The following DCAF8L2 variants were observed in gnomAD, a reference collection of about 807,000 sequenced individuals.
DCAF8L2 encodes the protein DDB1- and CUL4-associated factor 8-like protein 2.
For missense variants in DCAF8L2, 430 were observed against 490.7 expected (o/e 0.88, Z 1.17); for synonymous variants, 200 against 190.9 (o/e 1.05, Z -0.39).
At chrX:27,514,133 T>C in the DCAF8L2 span, among the ~76,000 whole-genome samples, 1 of 111,401 alleles carries the variant, frequency 9.0e-6, no homozygotes, top group Non-Finnish European at 1.9e-5. Flanking sequence ...AGTGTATATG[T>C]ACACATATGT....
At chrX:27,707,717 A>G (rs774618719) in intron 3 of DCAF8L2, among the ~76,000 whole-genome samples, 116 of 111,257 alleles carry the variant, frequency 1.0e-3, no homozygotes, top group African/African-American at 3.3e-3. Flanking sequence ...TCCGTGGTCT[A>G]TGAGTTTAGG....
intron 2 of DCAF8L2, among the ~76,000 whole-genome samples, chrX:27,663,314 TTTTG>T (rs964061515): frequency 1.8e-5 from 2 of 112,306 alleles, no homozygotes; most frequent in African/African-American, 6.5e-5. Context: ...AGAGTTTTTG[TTTTG>T]TTTTATATTT....
At chrX:27,605,156 T>C (rs1416718305) in intron 1 of DCAF8L2, among the ~76,000 whole-genome samples, 1 of 111,147 alleles carries the variant, frequency 9.0e-6, no homozygotes, top group Non-Finnish European at 1.9e-5. Flanking sequence ...GGATGTAATA[T>C]GCAAAACCTC....
At position 27,747,327 on chromosome X, in the gene DCAF8L2, G is replaced by GAA. The variant is rs1922277025; in HGVS notation, c.432_433insAA (p.Glu145LysfsTer22). The stretch of plus-strand genomic sequence containing the variant: ...AGGAGGAGGAGGAGGAGGAGGAGGA[G>GAA]GAAGAAGAACAGCCTCGGGCGGGTC... On this transcript the variant is annotated frameshift_variant, in exon 5 of 5. Coordinates refer to ENST00000451261, the MANE Select transcript of DCAF8L2 (RefSeq NM_001353450.2). LOFTEE classifies it low-confidence loss of function (END_TRUNC). The GAA allele has an allele frequency of 5.3e-6, 6 of 1,121,701 alleles. No homozygotes were observed. The African/African-American group carries it at 1.0e-4, about 19-fold the overall frequency. 92.4% of individuals were successfully genotyped at this position (1,121,701 alleles called of 1,213,427 possible).
chrX:27,642,102 C>T (rs183929940), intron 2 of DCAF8L2, among the ~76,000 whole-genome samples: 1,129 of 108,212 alleles, frequency 0.01, 17 homozygotes, highest in African/African-American at 0.037. Flanking sequence ...ACCATGTTAG[C>T]CAGGATGGTC....
intron 2 of DCAF8L2, among the ~76,000 whole-genome samples, chrX:27,660,909 G>T (rs1398107593): frequency 8.9e-6 from 1 of 112,146 alleles, no homozygotes; most frequent in Non-Finnish European, 1.9e-5. Flanking sequence ...CAGTATTATT[G>T]ATTCCAGCTG....
intron 3 of DCAF8L2, among the ~76,000 whole-genome samples, chrX:27,689,873 G>A (rs996723761): frequency 1.8e-5 from 2 of 111,695 alleles, no homozygotes; most frequent in East Asian, 2.8e-4. Context: ...ATAATGCAAC[G>A]TAGTGATTAA....
intron 4 of DCAF8L2, among the ~76,000 whole-genome samples, chrX:27,738,542 C>A (rs1921665725): frequency 8.9e-6 from 1 of 111,879 alleles, no homozygotes; most frequent in South Asian, 3.7e-4. Context: ...GTCCCCCATC[C>A]CCAACTCTCT....
At chrX:27,475,623 A>T in the DCAF8L2 span, among the ~76,000 whole-genome samples, 1 of 111,914 alleles carries the variant, frequency 8.9e-6, no homozygotes, top group African/African-American at 3.2e-5. Flanking sequence ...TGTGGCTGGA[A>T]TAATAATACG....
chrX:27,664,064 A>G (rs891015052), intron 2 of DCAF8L2, among the ~76,000 whole-genome samples: 1 of 109,530 alleles, frequency 9.1e-6, no homozygotes, highest in Non-Finnish European at 1.9e-5. Context: ...AAGTGAAAGG[A>G]AGAATCACAT....
At chrX:27,484,936 A>T in the DCAF8L2 span, among the ~76,000 whole-genome samples, 1 of 111,939 alleles carries the variant, frequency 8.9e-6, no homozygotes, top group Non-Finnish European at 1.9e-5. Context: ...TTTGAGTTAT[A>T]TCTTTACAAA....
At chrX:27,678,013 A>G (rs1447584118) in intron 3 of DCAF8L2, 101 bp downstream of exon 3, 1 of 111,481 alleles carries the variant, frequency 9.0e-6, no homozygotes, top group African/African-American at 3.3e-5. Flanking sequence ...AGATAGAAAT[A>G]AATACATTCA....
At chrX:27,712,969 T>C (rs1245607141) in intron 3 of DCAF8L2, among the ~76,000 whole-genome samples, 2 of 111,728 alleles carry the variant, frequency 1.8e-5, no homozygotes, top group Non-Finnish European at 3.8e-5. Flanking sequence ...GTAAGGAGTC[T>C]GTCTTGAATT....
the DCAF8L2 span, among the ~76,000 whole-genome samples, chrX:27,489,661 T>C: frequency 8.9e-6 from 1 of 112,257 alleles, no homozygotes; most frequent in South Asian, 3.7e-4. Flanking sequence ...ACATCTTTTG[T>C]GTAGTTTACT....
At chrX:27,533,164 G>GAGAGAA in the DCAF8L2 span, among the ~76,000 whole-genome samples, 11 of 17,349 alleles carry the variant, frequency 6.3e-4, no homozygotes, top group Admixed American at 9.4e-4. Flanking sequence ...GAGAGAGAGA[G>GAGAGAA]AGAAAGAAAG....
chrX:27,545,608 C>G, the DCAF8L2 span, among the ~76,000 whole-genome samples: 47 of 111,606 alleles, frequency 4.2e-4, no homozygotes, highest in Admixed American at 2.7e-3. Context: ...CTGTTCTCAT[C>G]ATAGGGAGTA....
rs191200790 is a variant in DCAF8L2, at chrX:27,630,404, G to C, written c.-341-1475G>C. 3.9e-3 allele frequency among the ~76,000 whole-genome samples: 433 copies of C among 111,584 alleles called. 3 individuals are homozygous for C. The highest frequency in any genetic ancestry group is 6.1e-3 in the Non-Finnish European group (324 of 53,091). ...AAGCCTCTGAAAAAGAAAAGCCCCTGACCAGATGGCTTTACTGGTGAATTA... is the reference window on the plus strand; with the variant it reads ...AAGCCTCTGAAAAAGAAAAGCCCCTCACCAGATGGCTTTACTGGTGAATTA... On this transcript the variant is annotated intron_variant, in intron 1 of 4. Coordinates refer to ENST00000451261, the MANE Select transcript of DCAF8L2 (RefSeq NM_001353450.2).
At chrX:27,471,485 C>T in the DCAF8L2 span, among the ~76,000 whole-genome samples, 1 of 111,320 alleles carries the variant, frequency 9.0e-6, no homozygotes, top group African/African-American at 3.3e-5. Context: ...TGTTCCAGCT[C>T]ACTGTCCTTC....
the DCAF8L2 span, among the ~76,000 whole-genome samples, chrX:27,573,303 C>A: frequency 9.2e-6 from 1 of 108,969 alleles, no homozygotes; most frequent in East Asian, 2.9e-4. Flanking sequence ...CATACACAAA[C>A]ATCAGCAGGT....
Sources: allele counts gnomAD v4.1 joint callset (sites outside exome capture counted in the v4.1 genomes callset), GRCh38; gene constraint gnomAD v4.1.1; transcripts MANE v1.5; gene names NCBI Gene and HGNC (gene_info 2026-07-23, HGNC 2026-07-21).